SLC2A7: variants seen among roughly 807,000 people sequenced by gnomAD.
SLC2A7 encodes the protein solute carrier family 2 member 7, also known as solute carrier family 2, facilitated glucose transporter member 7.
A neutral mutation model predicts 50.5 loss-of-function variants in SLC2A7; 50 were observed. That is an observed-to-expected ratio of 0.99 (90% CI 0.79 to 1.25). The LOEUF is 1.25. Ranked by LOEUF, SLC2A7 falls within the 50% of genes most tolerant of loss-of-function variation. SLC2A7 has a pLI of 0.00. For missense variants in SLC2A7, 683 were observed against 679.1 expected, an observed-to-expected ratio of 1.01 and a Z score of -0.06; for synonymous variants, 308 against 300.4, an observed-to-expected ratio of 1.03 and a Z score of -0.26.
chr1:9,025,131 G>A (rs1337188564), intron 1 of SLC2A7, 57 bp from the exon 2 acceptor site: 6 of 1,561,012 alleles, frequency 3.8e-6, no homozygotes, highest in Non-Finnish European at 5.3e-6. Context: ...GGGAAGTGGA[G>A]TGGCTGGGCC....
At chr1:9,016,241 T>C (rs1640828819) in intron 5 of SLC2A7, among the ~76,000 whole-genome samples, 2 of 152,232 alleles carry the variant, frequency 1.3e-5, no homozygotes, top group Admixed American at 1.3e-4. Flanking sequence ...CAGGGTACTG[T>C]GGGGACCACA....
chr1:9,019,555 G>C (rs1362000810), intron 3 of SLC2A7, among the ~76,000 whole-genome samples: 1 of 152,202 alleles, frequency 6.6e-6, no homozygotes, highest in Admixed American at 6.5e-5. Flanking sequence ...TCTGGGAGGT[G>C]AATAGGTCAT....
At chr1:9,009,382 G>A (rs1467877641) in intron 9 of SLC2A7, among the ~76,000 whole-genome samples, 3 of 152,182 alleles carry the variant, frequency 2.0e-5, no homozygotes, top group African/African-American at 7.2e-5. Flanking sequence ...TGAGAACACT[G>A]CAAATTAAAA....
intron 3 of SLC2A7, among the ~76,000 whole-genome samples, chr1:9,020,961 C>A (rs1176693122): frequency 6.6e-6 from 1 of 152,198 alleles, no homozygotes; most frequent in Non-Finnish European, 1.5e-5. Flanking sequence ...ACTTGCCCCT[C>A]CTTTGCCTTC....
At chr1:9,000,600 C>G (rs1047368965), downstream of SLC2A7, among the ~76,000 whole-genome samples, 2 of 152,002 alleles carry the variant, frequency 1.3e-5, no homozygotes, top group African/African-American at 4.8e-5. Context: ...GCCTGGGCAA[C>G]AGAGCAAGAC....
intron 5 of SLC2A7, among the ~76,000 whole-genome samples, chr1:9,015,835 C>T (rs1016654816): frequency 6.6e-6 from 1 of 151,854 alleles, no homozygotes; most frequent in African/African-American, 2.4e-5. Context: ...GTGATCCTCC[C>T]ACCACAGCTT....
At chr1:9,007,161 G>A (rs1640664191) in intron 10 of SLC2A7, 149 bp downstream of exon 10, 1 of 876,078 alleles carries the variant, frequency 1.1e-6, no homozygotes, top group Non-Finnish European at 1.8e-6. Context: ...GTGCCATCAA[G>A]GCTGAGAACT....
At position 9,018,252 on chromosome 1, in the gene SLC2A7, C is replaced by G. The variant is rs951651180; in HGVS notation, c.560G>C (p.Ser187Thr). Reference protein sequence around the residue: ...IVGVFLAQIFSLQAILGNPAG... With the variant: ...IVGVFLAQIFTLQAILGNPAG... ...CGGGTTGCCCAAGATGGCCTGGAGG[C>G]TGAAGATCTGTGCTAGGAAGACTCC... Residue 187 changes from serine to threonine, a missense_variant, in exon 5 of 12, where the codon AGC becomes ACC. Transcript: ENST00000400906. 2.5e-6 allele frequency: 4 copies of G among 1,614,032 alleles called. No individual in the cohort carries two copies. In the African/African-American group the frequency reaches 4.0e-5, roughly 16 times the overall value.
chr1:9,012,691 A>G (rs1252418691), intron 8 of SLC2A7, among the ~76,000 whole-genome samples: 2 of 152,218 alleles, frequency 1.3e-5, no homozygotes, highest in Non-Finnish European at 2.9e-5. Flanking sequence ...GGTCTAGGGA[A>G]AGGAATGCCA....
intron 9 of SLC2A7, among the ~76,000 whole-genome samples, chr1:9,009,206 T>G (rs1450851010): frequency 3.3e-5 from 5 of 152,232 alleles, no homozygotes; most frequent in Admixed American, 3.3e-4. Context: ...GTTGCTGATA[T>G]ATTTTCCATT....
At chr1:8,996,968 G>C in the SLC2A7 span, among the ~76,000 whole-genome samples, 1 of 152,066 alleles carries the variant, frequency 6.6e-6, no homozygotes, top group East Asian at 1.9e-4. Flanking sequence ...AGTAGAGACG[G>C]GGTTTCACCA....
the SLC2A7 span, among the ~76,000 whole-genome samples, chr1:8,995,220 G>A: frequency 2.0e-5 from 3 of 151,582 alleles, no homozygotes; most frequent in South Asian, 2.1e-4. Flanking sequence ...AGGCCGTCGC[G>A]GGTGGATCAC....
Position 9,023,835 on chromosome 1 carries a change from C to CTTTTTTTTTTTTTTTTTTTTTTT in SLC2A7, c.151-758_151-757insAAAAAAAAAAAAAAAAAAAAAAA, listed in dbSNP as rs1557653846. Among the ~76,000 whole-genome samples the CTTTTTTTTTTTTTTTTTTTTTTT allele has an allele frequency of 9.1e-5, 6 of 65,982 alleles. 1 individual carries two copies. The highest frequency in any genetic ancestry group is 1.7e-4 in the Non-Finnish European group (6 of 34,682). The allele number at this position is 65,982 out of a possible 152,430, so 43.3% of individuals were successfully genotyped here. Reference sequence around the variant, plus strand: ...CAGAGGCACCATAGGAAATATTCTTCTTCTTTTTTTTTTTTTTTTTTTTTT... The same window carrying CTTTTTTTTTTTTTTTTTTTTTTT: ...CAGAGGCACCATAGGAAATATTCTTCTTTTTTTTTTTTTTTTTTTTTTTTTCTTTTTTTTTTTTTTTTTTTTTT... On this transcript the variant is annotated intron_variant, in intron 2 of 11. Transcript: ENST00000400906.
chr1:9,000,802 C>A (rs1467552941), downstream of SLC2A7, among the ~76,000 whole-genome samples: 1 of 150,590 alleles, frequency 6.6e-6, no homozygotes, highest in Non-Finnish European at 1.5e-5. Flanking sequence ...CTCCCCCTGC[C>A]CCATCACCCC....
chr1:9,022,209 C>T (rs1328554340), intron 3 of SLC2A7, among the ~76,000 whole-genome samples: 2 of 152,198 alleles, frequency 1.3e-5, no homozygotes, highest in Admixed American at 6.5e-5. Context: ...GCTGTCTAAC[C>T]TGGCACACCA....
chr1:9,012,788 T>C (rs1374774671), intron 8 of SLC2A7, among the ~76,000 whole-genome samples: 3 of 152,176 alleles, frequency 2.0e-5, no homozygotes, highest in Non-Finnish European at 4.4e-5. Context: ...ATCATGAAAC[T>C]GCACCAACAA....
chr1:8,998,615 C>A (rs1439502339), downstream of SLC2A7, among the ~76,000 whole-genome samples: 1 of 152,074 alleles, frequency 6.6e-6, no homozygotes, highest in East Asian at 1.9e-4. Context: ...ATTCTAGTTT[C>A]TTTGCATTTC....
chr1:9,020,336 G>A (rs543278925), intron 3 of SLC2A7, among the ~76,000 whole-genome samples: 27 of 152,342 alleles, frequency 1.8e-4, no homozygotes, highest in Middle Eastern at 3.4e-3. Context: ...TGTCAGGAAC[G>A]TTGAACAGGG....
intron 6 of SLC2A7, 122 bp downstream of exon 6, chr1:9,014,995 C>A (rs527732606): frequency 4.7e-5 from 72 of 1,517,148 alleles, no homozygotes; most frequent in East Asian, 4.6e-4. Flanking sequence ...GCCACCCCCC[C>A]ACCCCGTTCA....
Sources: gnomAD v4.1 joint callset for allele counts (sites outside exome capture counted in the v4.1 genomes callset) on GRCh38, gnomAD v4.1.1 for gene constraint, MANE v1.5 for transcripts, NCBI Gene and HGNC (gene_info 2026-07-23, HGNC 2026-07-21) for gene names.